Variants in SPDYE3 observed in about 807,000 individuals in gnomAD.
SPDYE3 encodes the protein speedy/RINGO cell cycle regulator family member E3.
SPDYE3 carries 15 observed loss-of-function variants against 55.0 expected under a neutral mutation model. That is an observed-to-expected ratio of 0.27 (90% confidence interval 0.18 to 0.42). The LOEUF (loss-of-function observed/expected upper bound fraction) is 0.42, where lower values mean the gene tolerates loss of function less well. SPDYE3 is among the 10% of genes least tolerant of loss of function. SPDYE3 has a pLI of 1.00. For missense variants in SPDYE3, 236 were observed against 576.7 expected, an observed-to-expected ratio of 0.41 and a Z score of 6.05; for synonymous variants, 89 against 229.9, an observed-to-expected ratio of 0.39 and a Z score of 5.55.
chr7:100,317,783 G>A (rs1370680711), intron 8 of SPDYE3, among the ~76,000 whole-genome samples: 2 of 150,564 alleles, frequency 1.3e-5, no homozygotes, highest in African/African-American at 2.4e-5. Context: ...GGCTAACATG[G>A]TGAAACCCTG....
intron 10 of SPDYE3, chr7:100,320,612 T>C: frequency 2.9e-6 from 3 of 1,020,680 alleles, no homozygotes; most frequent in Non-Finnish European, 3.7e-6. Flanking sequence ...TCTCTGAGGG[T>C]GCCCTACTCC....
chr7:100,320,140 GA>G, intron 10 of SPDYE3, 105 bp downstream of exon 10: 1 of 1,541,026 alleles, frequency 6.5e-7, no homozygotes, highest in Non-Finnish European at 8.7e-7. Context: ...AACGTGGCGA[GA>G]TATCCCCTCT....
rs1435973418 is a variant in SPDYE3, at chr7:100,321,270, G to A, written c.*425G>A. The A allele has an allele frequency of 1.7e-5, 6 of 355,126 alleles. No individual in the cohort carries two copies. The highest frequency in any genetic ancestry group is 3.9e-5 in the Admixed American group (1 of 25,948). 22.0% of individuals were successfully genotyped at this position (355,126 alleles called of 1,614,324 possible). ...CAGTGCAGGGGCTCAGATTGGCACA[G>A]AATTCTTTGTGAAATATGAGTGCCA... On this transcript the variant is annotated 3_prime_UTR_variant, in exon 11 of 11. Coordinates refer to ENST00000332397, the MANE Select transcript of SPDYE3 (RefSeq NM_001004351.5).
rs955927829 is a variant in SPDYE3 at position 100,317,151 on chromosome 7, G to C, written c.1342G>C (p.Ala448Pro). 2 of 1,611,824 alleles carry C rather than the reference G, an allele frequency of 1.2e-6. No individual in the cohort carries two copies. The highest frequency in any genetic ancestry group is 1.7e-6 in the Non-Finnish European group (2 of 1,179,704). Residue 448 changes from alanine to proline, a missense_variant, in exon 8 of 11, where the codon GCT becomes CCT. By Grantham distance (27) the Ala-to-Pro change is conservative. Coordinates refer to ENST00000332397, the MANE Select transcript of SPDYE3 (RefSeq NM_001004351.5). ...WQYQRIHFFL[A>P]LYLANDMEED... ...ATACCAACGCATTCATTTCTTCCTG[G>C]CTCTGTGAGTGGTTTGCTGCCTCCT...
In SPDYE3 at chr7:100,320,975, C is replaced by T; in HGVS notation, c.*130C>T. 8.3e-7 allele frequency: 1 copy of T among 1,208,882 alleles called. No individual in the cohort carries two copies. Among genetic ancestry groups the T allele is most frequent in the Non-Finnish European group, 1.1e-6 (1 of 892,368 alleles). The allele number at this position is 1,208,882 out of a possible 1,614,324, so 74.9% of individuals were successfully genotyped here. A position where few individuals can be genotyped will look rare whatever the true frequency, so the allele number is the denominator to read the frequency against. ...CAGACATCAGGAAGGAGGAGAGGAG[C>T]CATTTGTGCAGATCATCTAGAAGAA... is the stretch of plus-strand genomic sequence containing the variant. On this transcript the variant is annotated 3_prime_UTR_variant, in exon 11 of 11. Transcript: ENST00000332397.
chr7:100,315,738 G>T, intron 6 of SPDYE3, 47 bp from the exon 7 acceptor site: 1 of 1,597,660 alleles, frequency 6.3e-7, no homozygotes, highest in South Asian at 1.1e-5. Flanking sequence ...TGCTCCCATG[G>T]AAACCCTGTC....
Position 100,307,852 on chromosome 7 carries a change from C to G in SPDYE3, c.-34C>G, listed in dbSNP as rs28680963. The G allele has an allele frequency of 0.18, 273,689 of 1,547,338 alleles. 25,363 individuals carry two copies. Among genetic ancestry groups the G allele is most frequent in the Middle Eastern group, 0.2 (875 of 4,366 alleles). On this transcript the variant is annotated 5_prime_UTR_variant, in exon 1 of 11. Coordinates refer to ENST00000332397, the MANE Select transcript of SPDYE3 (RefSeq NM_001004351.5). ...AGACCAAGGACAGAACAGAGACTAG[C>G]TTCGGTGAGATTGGACAGATTTTGG...
At position 100,319,962 on chromosome 7, in the gene SPDYE3, G is replaced by C; in HGVS notation, c.1622G>C (p.Trp541Ser). 6.2e-7 allele frequency: 1 copy of C among 1,610,888 alleles called. No individual in the cohort carries two copies. Among genetic ancestry groups the C allele is most frequent in the Non-Finnish European group, 8.5e-7 (1 of 1,179,906 alleles). ...GCTTATGACCCAGAGCACTGGGTGT[G>C]GGCGCGAGATCGCGCCCACCTTTCC... The part of the protein sequence containing the change: ...IQAYDPEHWV[W>S]ARDRAHLS Residue 541 changes from tryptophan to serine, a missense_variant, in exon 10 of 11, where the codon TGG (tryptophan) becomes TCG (serine). Transcript: ENST00000332397.
chr7:100,320,132 C>T lies in SPDYE3; in HGVS notation c.*45+97C>T, dbSNP rs994674971. On this transcript the variant is annotated intron_variant, in intron 10 of 10. Transcript: ENST00000332397. ...TTGATCTGGCTTCAAGCCTCGGCAA[C>T]GTGGCGAGATATCCCCTCTCCACAA... is the stretch of plus-strand genomic sequence containing the variant. The T allele has an allele frequency of 9.7e-6, 15 of 1,550,106 alleles. No homozygotes were observed. The East Asian group carries it at 1.2e-4, about 12-fold the overall frequency.
In SPDYE3 at chr7:100,319,827, G is replaced by C. The variant is rs189896330; in HGVS notation, c.1590+19G>C. The C allele has an allele frequency of 1.9e-6, 3 of 1,613,998 alleles. No individual in the cohort carries two copies. The highest frequency in any genetic ancestry group is 2.2e-5 in the East Asian group (1 of 44,886). On this transcript the variant is annotated intron_variant, in intron 9 of 10. Coordinates refer to ENST00000332397, the MANE Select transcript of SPDYE3 (RefSeq NM_001004351.5). The stretch of plus-strand genomic sequence containing the variant: ...GGAGGAGGTGGGTGGGGCCTGGGGA[G>C]GTGGAGGATGTGGGGAGGAATCGGG...
chr7:100,320,851 C>G lies in SPDYE3; in HGVS notation c.*46-40C>G, dbSNP rs1323743022. 4 of 1,188,360 alleles carry G rather than the reference C, an allele frequency of 3.4e-6. No individual in the cohort carries two copies. The East Asian group carries it at 1.9e-4, about 56-fold the overall frequency. The allele number at this position is 1,188,360 out of a possible 1,614,324, so 73.6% of individuals were successfully genotyped here. The stretch of plus-strand genomic sequence containing the variant: ...GTGAATAACCTTCCTGTCTAGAGAG[C>G]TGTCTCCTTGAGGTGTGACATTGTC... On this transcript the variant is annotated intron_variant, in intron 10 of 10. Coordinates refer to ENST00000332397, the MANE Select transcript of SPDYE3 (RefSeq NM_001004351.5).
intron 7 of SPDYE3, among the ~76,000 whole-genome samples, chr7:100,316,248 G>C (rs1424236294): frequency 3.3e-5 from 5 of 152,194 alleles, no homozygotes; most frequent in Non-Finnish European, 5.9e-5. Flanking sequence ...TGAGATTACA[G>C]ACGTCAGCAC....
At chr7:100,315,486 C>T (rs1368254504) in intron 6 of SPDYE3, among the ~76,000 whole-genome samples, 2 of 152,116 alleles carry the variant, frequency 1.3e-5, no homozygotes, top group Non-Finnish European at 2.9e-5. Context: ...GATGGGAATT[C>T]CTTTATGACT....
At chr7:100,309,744 A>G (rs1433171803) in intron 2 of SPDYE3, among the ~76,000 whole-genome samples, 4 of 143,818 alleles carry the variant, frequency 2.8e-5, no homozygotes, top group East Asian at 1.9e-4. Context: ...AAAAAGAAGA[A>G]AAAAAAGAAG....
At chr7:100,315,996 C>T (rs1270338747) in intron 7 of SPDYE3, among the ~76,000 whole-genome samples, 153 bp downstream of exon 7, 2 of 151,876 alleles carry the variant, frequency 1.3e-5, no homozygotes, top group Non-Finnish European at 2.9e-5. Context: ...TTGTGAGACA[C>T]AGTCTTGCTC....
intron 8 of SPDYE3, among the ~76,000 whole-genome samples, chr7:100,317,630 A>C (rs1806135780): frequency 6.6e-6 from 1 of 151,190 alleles, no homozygotes; most frequent in Non-Finnish European, 1.5e-5. Context: ...AAAAAAAAAA[A>C]ACAGGCAAAA....
intron 7 of SPDYE3, 145 bp downstream of exon 7, chr7:100,315,988 G>C: frequency 7.7e-7 from 1 of 1,306,762 alleles, no homozygotes. Context: ...GTTTTTTTTT[G>C]TGAGACACAG....
rs1165203932 is a variant in SPDYE3 at position 100,320,344 on chromosome 7, G to A, written c.*45+309G>A. On this transcript the variant is annotated intron_variant, in intron 10 of 10. Transcript: ENST00000332397. ...AAAATAATCATAAATACTGAGTTCG[G>A]GGAGGTTCTTTATGATTGATGCACT... is the stretch of plus-strand genomic sequence containing the variant. 5.6e-6 allele frequency: 6 copies of A among 1,066,484 alleles called. No individual in the cohort carries two copies. In the South Asian group the frequency reaches 8.5e-5, roughly 15 times the overall value. The allele number at this position is 1,066,484 out of a possible 1,614,324, so 66.1% of individuals were successfully genotyped here. A position where few individuals can be genotyped will look rare whatever the true frequency, so the allele number is the denominator to read the frequency against.
chr7:100,307,976 G>A lies in SPDYE3; in HGVS notation c.91G>A (p.Val31Met), dbSNP rs754815513. 3.8e-6 allele frequency: 6 copies of A among 1,558,530 alleles called. No individual in the cohort carries two copies. Among genetic ancestry groups the A allele is most frequent in the Non-Finnish European group, 5.2e-6 (6 of 1,160,194 alleles). The change falls in exon 1 of 11, where the codon GTG becomes ATG. Residue 31 changes from valine to methionine, a missense_variant. Transcript: ENST00000332397. ...YPLQEVVDDE[V>M]SGPSAPGVDP... ...CCTCCAGGAGGTGGTGGATGATGAAGTGTCGGGACCATCAGGTGAGGGGAC... is the reference window on the plus strand; with the variant it reads ...CCTCCAGGAGGTGGTGGATGATGAAATGTCGGGACCATCAGGTGAGGGGAC...
Sources: allele counts gnomAD v4.1 joint callset (sites outside exome capture counted in the v4.1 genomes callset), GRCh38; gene constraint gnomAD v4.1.1; transcripts MANE v1.5; gene names NCBI Gene and HGNC (gene_info 2026-07-23, HGNC 2026-07-21).